TENM4: variants seen among roughly 807,000 people sequenced by gnomAD.
The protein encoded by TENM4 is teneurin transmembrane protein 4, also known as teneurin-4.
TENM4 carries 82 observed loss-of-function variants against 243.3 expected under a neutral mutation model. The observed-to-expected ratio is 0.34, with a 90% CI of 0.28 to 0.40. TENM4 has a LOEUF of 0.40. Ranked by LOEUF, TENM4 falls within the 10% of genes least tolerant of loss-of-function variation. TENM4 has a pLI of 1.00. For missense variants in TENM4, 3,138 were observed against 3,673.3 expected (o/e 0.85, Z 3.77); for synonymous variants, 1,412 against 1,456.3 (o/e 0.97, Z 0.69).
At chr11:79,163,871 C>T (rs1356401010) in intron 3 of TENM4, among the ~76,000 whole-genome samples, 2 of 142,076 alleles carry the variant, frequency 1.4e-5, no homozygotes, top group African/African-American at 5.2e-5. Flanking sequence ...CATATATACA[C>T]ATATATGTAC....
intron 1 of TENM4, among the ~76,000 whole-genome samples, chr11:79,325,858 T>A (rs1356378751): frequency 6.6e-6 from 1 of 152,148 alleles, no homozygotes; most frequent in Non-Finnish European, 1.5e-5. Flanking sequence ...ACTCTGCTGC[T>A]CCTACCATCC....
intron 4 of TENM4, chr11:79,096,556 C>G (rs1861082086): frequency 6.6e-6 from 1 of 151,202 alleles, no homozygotes; most frequent in African/African-American, 2.4e-5. Flanking sequence ...TCCCCTTCCC[C>G]TGGTGTGCCT....
At chr11:79,388,691 T>C (rs1858167629) in intron 1 of TENM4, among the ~76,000 whole-genome samples, 2 of 152,224 alleles carry the variant, frequency 1.3e-5, no homozygotes, top group Admixed American at 1.3e-4. Context: ...CTATAAAGCA[T>C]CCAAGAAGAA....
chr11:78,742,409 A>C (rs191849502), intron 19 of TENM4, among the ~76,000 whole-genome samples: 17 of 152,278 alleles, frequency 1.1e-4, no homozygotes, highest in Admixed American at 1.0e-3. Flanking sequence ...TTTCACAAAA[A>C]ATCAGGCGCC....
chr11:78,703,118 T>G (rs1049845224), intron 27 of TENM4, among the ~76,000 whole-genome samples: 1 of 152,116 alleles, frequency 6.6e-6, no homozygotes, highest in African/African-American at 2.4e-5. Flanking sequence ...AACCCCACCC[T>G]TGGTGGGTGA....
intron 28 of TENM4, among the ~76,000 whole-genome samples, chr11:78,698,891 C>T (rs1590947927): frequency 2.0e-5 from 3 of 152,144 alleles, no homozygotes; most frequent in African/African-American, 2.4e-5. Context: ...GGTGGCTCTG[C>T]GTGTTATTTT....
At chr11:79,310,993 G>C (rs763391530) in intron 1 of TENM4, among the ~76,000 whole-genome samples, 38 of 152,214 alleles carry the variant, frequency 2.5e-4, no homozygotes, top group Non-Finnish European at 5.1e-4. Context: ...CTTTGGTTTA[G>C]AGAGTGACTG....
intron 6 of TENM4, among the ~76,000 whole-genome samples, chr11:78,918,167 T>C (rs1232101138): frequency 6.6e-6 from 1 of 152,166 alleles, no homozygotes; most frequent in Non-Finnish European, 1.5e-5. Flanking sequence ...TGGCATGCAG[T>C]AGGTGTTCTG....
Position 78,999,517 on chromosome 11 carries a change from AAAAAC to A in TENM4, c.493+65216_493+65220del, listed in dbSNP as rs535877773. Among the ~76,000 whole-genome samples, 160 of 152,286 alleles carry A rather than the reference AAAAAC, an allele frequency of 1.1e-3. 2 individuals are homozygous for A. Among genetic ancestry groups the A allele is most frequent in the African/African-American group, 3.4e-3 (141 of 41,562 alleles). On this transcript the variant is annotated intron_variant, in intron 6 of 33. Coordinates refer to ENST00000278550, the MANE Select transcript of TENM4 (RefSeq NM_001098816.3). ...GGAGACAGAGCGGGACTCCATCTCAAAAAACAAAACAAAACAAAACAAAAAAACCA... is the reference window on the plus strand; with the variant it reads ...GGAGACAGAGCGGGACTCCATCTCAAAAAACAAAACAAAACAAAAAAACCA...
At chr11:79,369,413 T>G (rs966145075) in intron 1 of TENM4, among the ~76,000 whole-genome samples, 4 of 152,178 alleles carry the variant, frequency 2.6e-5, no homozygotes, top group Non-Finnish European at 5.9e-5. Context: ...CTTTCACTTT[T>G]TTTTTCTTTT....
chr11:78,910,855 G>T (rs146897895), intron 6 of TENM4, among the ~76,000 whole-genome samples: 2 of 152,154 alleles, frequency 1.3e-5, no homozygotes, highest in South Asian at 2.1e-4. Context: ...AGTGCTCAAG[G>T]CTTCTAAACA....
chr11:79,027,410 G>A (rs1219581182), intron 6 of TENM4, among the ~76,000 whole-genome samples: 1 of 152,228 alleles, frequency 6.6e-6, no homozygotes, highest in African/African-American at 2.4e-5. Context: ...TTCTGTGGCA[G>A]AGCCAGGATA....
intron 6 of TENM4, among the ~76,000 whole-genome samples, chr11:78,968,154 T>G (rs1857473997): frequency 1.3e-5 from 2 of 152,246 alleles, no homozygotes; most frequent in African/African-American, 4.8e-5. Context: ...TCATGCTCTC[T>G]GTCTTGCCAG....
chr11:79,404,833 C>T (rs1858533923), intron 1 of TENM4, among the ~76,000 whole-genome samples: 1 of 151,250 alleles, frequency 6.6e-6, no homozygotes, highest in Non-Finnish European at 1.5e-5. Context: ...AATTGTAGAG[C>T]CGTAGAGAAA....
intron 6 of TENM4, among the ~76,000 whole-genome samples, chr11:78,956,203 G>T (rs1440806777): frequency 2.6e-5 from 4 of 152,086 alleles, no homozygotes; most frequent in African/African-American, 9.7e-5. Context: ...GCTCAGCCCT[G>T]GAGATAGTGT....
At chr11:78,945,717 C>A (rs1856990870) in intron 6 of TENM4, among the ~76,000 whole-genome samples, 1 of 152,154 alleles carries the variant, frequency 6.6e-6, no homozygotes, top group Non-Finnish European at 1.5e-5. Context: ...AATTGCGACT[C>A]CATTGAACAC....
At chr11:79,412,042 C>T (rs72935082) in intron 1 of TENM4, among the ~76,000 whole-genome samples, 5,733 of 152,314 alleles carry the variant, frequency 0.038, 153 homozygotes, top group Non-Finnish European at 0.062. Flanking sequence ...CAGAGCTGCA[C>T]TGGCTCAGCC....
intron 4 of TENM4, among the ~76,000 whole-genome samples, chr11:79,138,917 ATTACATTTCCAT>A (rs1446404888): frequency 6.5e-4 from 68 of 104,584 alleles, no homozygotes; most frequent in African/African-American, 8.9e-4. Flanking sequence ...ATAAATATAT[ATTACATTTCCAT>A]AAATATATAA....
chr11:79,128,844 G>A (rs1011094595), intron 4 of TENM4, among the ~76,000 whole-genome samples: 1 of 152,178 alleles, frequency 6.6e-6, no homozygotes, highest in Non-Finnish European at 1.5e-5. Context: ...CAGGGACTTG[G>A]AAGAAGCATG....
Sources: gnomAD v4.1 joint callset for allele counts (sites outside exome capture counted in the v4.1 genomes callset) on GRCh38, gnomAD v4.1.1 for gene constraint, MANE v1.5 for transcripts, NCBI Gene and HGNC (gene_info 2026-07-23, HGNC 2026-07-21) for gene names.